The following CDC42 variants were observed in gnomAD, a reference collection of about 807,000 sequenced individuals.
The protein encoded by CDC42 is cell division control protein 42 homolog.
In CDC42, 1 loss-of-function variant was observed where a neutral mutation model predicts 20.8. That is an observed-to-expected ratio of 0.05 (90% confidence interval 0.02 to 0.23). The LOEUF is 0.23. Ranked by LOEUF, CDC42 falls within the 10% of genes least tolerant of loss-of-function variation. The pLI is 1.00. For missense variants in CDC42, 49 were observed against 227.9 expected, an observed-to-expected ratio of 0.21 and a Z score of 5.05; for synonymous variants, 72 against 84.8, an observed-to-expected ratio of 0.85 and a Z score of 0.83.
rs1340810716 is a variant in CDC42 at position 22,096,150 on chromosome 1, T to TGG, written c.*4635_*4636dup. Among the ~76,000 whole-genome samples, 10 of 151,586 alleles carry TGG rather than the reference T, an allele frequency of 6.6e-5. No homozygotes were observed. The East Asian group carries it at 1.9e-3, about 29-fold the overall frequency. ...AATTTTTTGTATTTTTAAGGGAGAC[T>TGG]GGGTGTCACTATGTTGGCCAGACAG... On this transcript the variant is annotated 3_prime_UTR_variant, in exon 6 of 6. Coordinates refer to ENST00000656825, the MANE Select transcript of CDC42 (RefSeq NM_001791.4).
At chr1:22,054,787 T>G (rs1279799819) in intron 1 of CDC42, among the ~76,000 whole-genome samples, 1 of 151,156 alleles carries the variant, frequency 6.6e-6, no homozygotes, top group Non-Finnish European at 1.5e-5. Context: ...CATATAAAAT[T>G]GGAACACATC....
At chr1:22,057,009 C>A (rs1387987921) in intron 1 of CDC42, among the ~76,000 whole-genome samples, 1 of 152,154 alleles carries the variant, frequency 6.6e-6, no homozygotes, top group Non-Finnish European at 1.5e-5. Flanking sequence ...GCTGTGTGTT[C>A]TTGATTGGTA....
intron 1 of CDC42, among the ~76,000 whole-genome samples, chr1:22,066,747 G>A (rs920704860): frequency 6.6e-6 from 1 of 152,112 alleles, no homozygotes; most frequent in African/African-American, 2.4e-5. Flanking sequence ...TTAAGAGCAG[G>A]GGCAGGAGTG....
In CDC42 at chr1:22,098,635, C is replaced by CT. The variant is rs1419985349; in HGVS notation, c.*7121dup. ...AAATTATTTTTTAGAGGCATCACTT[C>CT]TTTAAAGCCCATCAGATTAATGTGC... On this transcript the variant is annotated 3_prime_UTR_variant, in exon 6 of 6. Coordinates refer to ENST00000656825, the MANE Select transcript of CDC42 (RefSeq NM_001791.4). Among the ~76,000 whole-genome samples, 5 of 152,300 alleles carry CT rather than the reference C, an allele frequency of 3.3e-5. No individual in the cohort carries two copies. Among genetic ancestry groups the CT allele is most frequent in the Admixed American group, 2.0e-4 (3 of 15,306 alleles).
intron 3 of CDC42, among the ~76,000 whole-genome samples, chr1:22,086,011 A>G (rs1257829865): frequency 1.3e-5 from 2 of 152,098 alleles, no homozygotes; most frequent in Non-Finnish European, 2.9e-5. Context: ...ACACCCGGCT[A>G]ATTTTTATAT....
chr1:22,078,327 G>C (rs1049049717), intron 1 of CDC42, 102 bp from the exon 2 acceptor site: 6 of 551,278 alleles, frequency 1.1e-5, no homozygotes, highest in African/African-American at 1.9e-5. Flanking sequence ...TAATAATTGT[G>C]CTAGTTCTTT....
intron 1 of CDC42, among the ~76,000 whole-genome samples, chr1:22,069,618 T>C (rs1418210616): frequency 0.067 from 246 of 3,692 alleles, 8 homozygotes; most frequent in South Asian, 0.31. Flanking sequence ...CACCACTTTT[T>C]TTTTTTTTTT....
intron 1 of CDC42, among the ~76,000 whole-genome samples, chr1:22,066,481 T>C (rs1332161061): frequency 6.6e-6 from 1 of 152,186 alleles, no homozygotes. Flanking sequence ...GTGTGACTGG[T>C]ATTGAGCTAT....
chr1:22,074,288 G>C (rs1467993014), intron 1 of CDC42: 1 of 152,256 alleles, frequency 6.6e-6, no homozygotes, highest in East Asian at 1.9e-4. Flanking sequence ...GTGTTAGCCA[G>C]AATGGTCTCC....
intron 1 of CDC42, among the ~76,000 whole-genome samples, chr1:22,069,324 C>T (rs902143367): frequency 7.9e-5 from 12 of 151,648 alleles, no homozygotes; most frequent in African/African-American, 2.4e-4. Flanking sequence ...TACAGGTGAG[C>T]GCCATCACAC....
At chr1:22,071,104 C>T (rs1453844388) in intron 1 of CDC42, among the ~76,000 whole-genome samples, 6 of 128,754 alleles carry the variant, frequency 4.7e-5, no homozygotes, top group Non-Finnish European at 7.7e-5. Context: ...AGTGCAGTGG[C>T]GCGGTCTCGG....
chr1:22,081,052 C>G (rs934796518), intron 2 of CDC42, among the ~76,000 whole-genome samples: 1 of 152,076 alleles, frequency 6.6e-6, no homozygotes, highest in African/African-American at 2.4e-5. Context: ...ACCTGTAGTC[C>G]CAGCTACTCA....
chr1:22,078,005 C>T (rs1379886912), intron 1 of CDC42, among the ~76,000 whole-genome samples: 43 of 152,172 alleles, frequency 2.8e-4, no homozygotes, highest in Non-Finnish European at 1.5e-5. Context: ...GGATCATGAA[C>T]CATTCTTTAA....
At chr1:22,072,633 C>G (rs191671423) in intron 1 of CDC42, among the ~76,000 whole-genome samples, 2 of 152,270 alleles carry the variant, frequency 1.3e-5, no homozygotes, top group East Asian at 3.9e-4. Context: ...CTGAAAGTTA[C>G]ATCCCTCTAG....
chr1:22,084,494 C>CT (rs1645641104), intron 3 of CDC42, among the ~76,000 whole-genome samples: 1 of 151,640 alleles, frequency 6.6e-6, no homozygotes, highest in Non-Finnish European at 1.5e-5. Flanking sequence ...TAATCAAGTT[C>CT]TTTGCCCATT....
At chr1:22,074,105 CTG>C (rs1303360399) in intron 1 of CDC42, 1 of 152,268 alleles carries the variant, frequency 6.6e-6, no homozygotes, top group African/African-American at 2.4e-5. Flanking sequence ...CGGAGTCTCA[CTG>C]TGTTGCCCAG....
In CDC42 at chr1:22,090,846, C is replaced by G. The variant is rs1171440436; in HGVS notation, c.487-582C>G. ...TTTATTCCTGTTGCACTGACTGGCT[C>G]TAATTTTACGTATGTATCAGGTACC... On this transcript the variant is annotated intron_variant, in intron 5 of 5. Transcript: ENST00000656825. 6 of 978,146 alleles carry G rather than the reference C, an allele frequency of 6.1e-6. No individual in the cohort carries two copies. The Admixed American group carries it at 2.5e-4, about 40-fold the overall frequency. 60.6% of individuals were successfully genotyped at this position (978,146 alleles called of 1,614,324 possible). A position where few individuals can be genotyped will look rare whatever the true frequency, so the allele number is the denominator to read the frequency against.
At chr1:22,086,077 C>T (rs16826532) in intron 3 of CDC42, among the ~76,000 whole-genome samples, 3,995 of 152,274 alleles carry the variant, frequency 0.026, 80 homozygotes, top group African/African-American at 0.051. Context: ...AACTCCTGAC[C>T]TCAGGTGATC....
At position 22,098,994 on chromosome 1, in the gene CDC42, TC is replaced by T. The variant is rs1316755955; in HGVS notation, c.*7479del. Among the ~76,000 whole-genome samples, 1 of 152,158 alleles carries T rather than the reference TC, an allele frequency of 6.6e-6. No individual in the cohort carries two copies. The highest frequency in any genetic ancestry group is 2.4e-5 in the African/African-American group (1 of 41,426). ...GGCTGGTCTCGAACTCCTGAGCTGA[TC>T]CTCCCACCTCGGCCTCCCAACGTGC... On this transcript the variant is annotated 3_prime_UTR_variant, in exon 6 of 6. Coordinates refer to ENST00000656825, the MANE Select transcript of CDC42 (RefSeq NM_001791.4).
Sources: gnomAD v4.1 joint callset for allele counts (sites outside exome capture counted in the v4.1 genomes callset) on GRCh38, gnomAD v4.1.1 for gene constraint, MANE v1.5 for transcripts, NCBI Gene and HGNC (gene_info 2026-07-23, HGNC 2026-07-21) for gene names.